Variants in GATAD2B observed in about 807,000 individuals in gnomAD.
The protein encoded by GATAD2B is GATA zinc finger domain containing 2B.
Under a neutral mutation model 64.3 loss-of-function variants are expected in GATAD2B, and 8 were observed. That is an observed-to-expected ratio of 0.12 (90% CI 0.07 to 0.22). The LOEUF (loss-of-function observed/expected upper bound fraction) is 0.22. Ranked by LOEUF, GATAD2B falls within the 10% of genes least tolerant of loss-of-function variation. The probability of loss-of-function intolerance (pLI) is 1.00; values close to 1 mark genes in which losing one functional copy is unlikely to be tolerated. For synonymous variants in GATAD2B, 281 were observed against 271.3 expected (o/e 1.04, Z -0.35); for missense variants, 453 against 752.0 (o/e 0.60, Z 4.65).
rs191368615 is a variant in GATAD2B, at chr1:153,844,145, C to A, written c.-1-15797G>T. Among the ~76,000 whole-genome samples, 297 of 152,054 alleles carry A rather than the reference C, an allele frequency of 2.0e-3. 2 individuals are homozygous for A. The highest frequency in any genetic ancestry group is 6.8e-3 in the African/African-American group (281 of 41,472). On this transcript the variant is annotated intron_variant, in intron 1 of 10. Coordinates refer to ENST00000368655, the MANE Select transcript of GATAD2B (RefSeq NM_020699.4). ...AAGCCCAGAGATCTGCAAAATGATC[C>A]CCTCAAATACTGAGGATATCAGAGT...
intron 2 of GATAD2B, among the ~76,000 whole-genome samples, chr1:153,823,515 C>G (rs1319400164): frequency 6.6e-6 from 1 of 152,088 alleles, no homozygotes; most frequent in Non-Finnish European, 1.5e-5. Context: ...CTTTCAAATT[C>G]TTTCATTTTT....
intron 2 of GATAD2B, among the ~76,000 whole-genome samples, chr1:153,824,689 A>C (rs1406633509): frequency 2.0e-5 from 3 of 151,694 alleles, no homozygotes; most frequent in African/African-American, 7.3e-5. Flanking sequence ...TCTATCTGCA[A>C]TATAATACAA....
chr1:153,916,537 A>G (rs892130400), intron 1 of GATAD2B, among the ~76,000 whole-genome samples: 6 of 152,226 alleles, frequency 3.9e-5, no homozygotes, highest in Admixed American at 3.3e-4. Flanking sequence ...ATACAAAGGT[A>G]TAGATACGTC....
chr1:153,921,919 T>C (rs1197074404), intron 1 of GATAD2B: 5 of 152,030 alleles, frequency 3.3e-5, no homozygotes, highest in Non-Finnish European at 4.4e-5. Context: ...CGCTCCTCAA[T>C]GTAATTGAGA....
chr1:153,834,572 T>C (rs1191019340), intron 1 of GATAD2B, among the ~76,000 whole-genome samples: 1 of 151,878 alleles, frequency 6.6e-6, no homozygotes, highest in Non-Finnish European at 1.5e-5. Context: ...GTATTTTTAG[T>C]AGAGAAAGGG....
chr1:153,843,588 AT>A (rs1345702190), intron 1 of GATAD2B, among the ~76,000 whole-genome samples: 1 of 152,066 alleles, frequency 6.6e-6, no homozygotes, highest in African/African-American at 2.4e-5. Context: ...AATTTTTTAT[AT>A]TTAAAATTTG....
rs189802153 is a variant in GATAD2B at position 153,913,318 on chromosome 1, C to T, written c.-2+9415G>A. ...AAAAAAATAATCAAAGGTATTGTTCCTTTTCTCCTCTGATCCCCAGGCCTG... is the reference window on the plus strand; with the variant it reads ...AAAAAAATAATCAAAGGTATTGTTCTTTTTCTCCTCTGATCCCCAGGCCTG... On this transcript the variant is annotated intron_variant, in intron 1 of 10. Coordinates refer to ENST00000368655, the MANE Select transcript of GATAD2B (RefSeq NM_020699.4). Among the ~76,000 whole-genome samples, 350 of 152,226 alleles carry T rather than the reference C, an allele frequency of 2.3e-3. 1 individual carries two copies. Among genetic ancestry groups the T allele is most frequent in the African/African-American group, 8.2e-3 (340 of 41,548 alleles).
Position 153,901,849 on chromosome 1 carries a change from AAATAAATT to A in GATAD2B, c.-2+20876_-2+20883del, listed in dbSNP as rs1219996021. 4.1e-3 allele frequency among the ~76,000 whole-genome samples: 620 copies of A among 150,612 alleles called. 8 individuals are homozygous for A. Among genetic ancestry groups the A allele is most frequent in the African/African-American group, 0.013 (554 of 41,130 alleles). On this transcript the variant is annotated intron_variant, in intron 1 of 10. Coordinates refer to ENST00000368655, the MANE Select transcript of GATAD2B (RefSeq NM_020699.4). ...AAAATAAATAAATAAATAAATAAAT[AAATAAATT>A]AAATAAAATGGCCCTGGTGTCTACA... is the stretch of plus-strand genomic sequence containing the variant.
chr1:153,846,674 C>T (rs1675700573), intron 1 of GATAD2B, among the ~76,000 whole-genome samples: 1 of 150,746 alleles, frequency 6.6e-6, no homozygotes, highest in South Asian at 2.1e-4. Context: ...CAATTCTCTG[C>T]CTCAGCCTCC....
chr1:153,905,301 C>A (rs1320423713), intron 1 of GATAD2B, among the ~76,000 whole-genome samples: 1 of 151,660 alleles, frequency 6.6e-6, no homozygotes, highest in Non-Finnish European at 1.5e-5. Context: ...CTCTTGGACC[C>A]GGGAGGTGGA....
intron 9 of GATAD2B, 35 bp downstream of exon 9, chr1:153,811,987 C>G: frequency 7.2e-7 from 1 of 1,393,660 alleles, no homozygotes; most frequent in Non-Finnish European, 1.0e-6. Flanking sequence ...GATAAATCTT[C>G]TAAAGAAATC....
chr1:153,823,657 C>T (rs1459644573), intron 2 of GATAD2B, among the ~76,000 whole-genome samples: 2 of 149,648 alleles, frequency 1.3e-5, no homozygotes, highest in Non-Finnish European at 3.0e-5. Flanking sequence ...GCCCTTTCCT[C>T]TTTTTATCAC....
At chr1:153,822,555 G>A (rs748290805) in intron 2 of GATAD2B, among the ~76,000 whole-genome samples, 10 of 152,088 alleles carry the variant, frequency 6.6e-5, no homozygotes, top group Admixed American at 2.0e-4. Context: ...CACTGTCACC[G>A]GGGCTGGAGG....
intron 1 of GATAD2B, among the ~76,000 whole-genome samples, chr1:153,909,403 G>A (rs1678049392): frequency 6.6e-6 from 1 of 151,528 alleles, no homozygotes; most frequent in Admixed American, 6.6e-5. Context: ...TAGTAGAGAT[G>A]GGGTTTCACT....
chr1:153,827,283 A>C (rs536662039), intron 2 of GATAD2B, among the ~76,000 whole-genome samples: 2 of 151,430 alleles, frequency 1.3e-5, no homozygotes, highest in Admixed American at 6.6e-5. Context: ...ACTCATAAAA[A>C]ACAAAAAGAA....
intron 1 of GATAD2B, among the ~76,000 whole-genome samples, chr1:153,887,304 C>T (rs996871482): frequency 2.6e-5 from 4 of 152,164 alleles, no homozygotes; most frequent in African/African-American, 9.7e-5. Context: ...GAATCACACC[C>T]AACCTAATGT....
Position 153,816,376 on chromosome 1 carries a change from T to C in GATAD2B, c.1113A>G (p.Lys371=). The C allele has an allele frequency of 6.2e-7, 1 of 1,613,566 alleles. No individual in the cohort carries two copies. The highest frequency in any genetic ancestry group is 8.5e-7 in the Non-Finnish European group (1 of 1,179,620). ...AGAAATGAAGTAAGGGAGCAGGAGGTTTAGGGGGTGGGATCTCCAGGAGTG... is the reference window on the plus strand; with the variant it reads ...AGAAATGAAGTAAGGGAGCAGGAGGCTTAGGGGGTGGGATCTCCAGGAGTG... ...EKTLLEIPPP[K]PPAPLLHFLP... is the part of the protein sequence containing the mutation. Residue 371 remains lysine (K), a synonymous_variant, in exon 7 of 11, where the codon AAA becomes AAG. Transcript: ENST00000368655. The surrounding 1 kb of genome is among the most constrained non-coding windows in gnomAD (Gnocchi z 4.9).
intron 1 of GATAD2B, 105 bp from the exon 2 acceptor site, chr1:153,828,453 C>CAT: frequency 3.3e-6 from 2 of 607,478 alleles, no homozygotes; most frequent in Non-Finnish European, 5.6e-6. Flanking sequence ...CTCTCTCACA[C>CAT]ATACACACAC....
intron 1 of GATAD2B, among the ~76,000 whole-genome samples, chr1:153,892,619 A>G (rs1308325232): frequency 6.6e-6 from 1 of 152,074 alleles, no homozygotes; most frequent in Non-Finnish European, 1.5e-5. Context: ...CTTCTGTCCA[A>G]CAATATTATA....
Sources: gnomAD v4.1 joint callset for allele counts (sites outside exome capture counted in the v4.1 genomes callset) on GRCh38, gnomAD v4.1.1 for gene constraint, Gnocchi (gnomAD v3.1) non-coding constraint, MANE v1.5 for transcripts, NCBI Gene and HGNC (gene_info 2026-07-23, HGNC 2026-07-21) for gene names.